CFAP221: variants seen among roughly 807,000 people sequenced by gnomAD.
CFAP221 encodes cilia- and flagella-associated protein 221.
A neutral mutation model predicts 113.1 loss-of-function variants in CFAP221; 97 were observed. The ratio of observed to expected loss-of-function variants is 0.86; its 90% CI spans 0.73 to 1.02. CFAP221 has a LOEUF of 1.02. CFAP221 is among the 50% of genes least tolerant of loss of function. The pLI, the probability that CFAP221 is intolerant of heterozygous loss-of-function variation, is 0.00. For missense variants in CFAP221, 1,025 were observed against 1,013.4 expected (o/e 1.01, Z -0.16); for synonymous variants, 331 against 354.4 (o/e 0.93, Z 0.74).
At chr2:119,614,707 A>C (rs113080895) in intron 13 of CFAP221, among the ~76,000 whole-genome samples, 30 of 152,350 alleles carry the variant, frequency 2.0e-4, no homozygotes, top group African/African-American at 7.2e-4. Flanking sequence ...CTACAATTCA[A>C]GATGAGATTT....
intron 7 of CFAP221, among the ~76,000 whole-genome samples, chr2:119,591,443 G>T (rs1396596598): frequency 2.6e-5 from 4 of 152,178 alleles, no homozygotes; most frequent in African/African-American, 9.7e-5. Context: ...TTGATGGGTG[G>T]CAGTGGTTGC....
At chr2:119,658,415 C>T (rs1018493519), downstream of CFAP221, among the ~76,000 whole-genome samples, 8 of 152,152 alleles carry the variant, frequency 5.3e-5, no homozygotes, top group African/African-American at 1.7e-4. Flanking sequence ...ATATTCCAGA[C>T]TCATCTGTAT....
At chr2:119,615,492 G>A in intron 13 of CFAP221, 119 bp from the exon 14 acceptor site, 1 of 738,598 alleles carries the variant, frequency 1.4e-6, no homozygotes, top group Non-Finnish European at 2.2e-6. Context: ...TGCTCACTAA[G>A]CAATACAACA....
intron 7 of CFAP221, among the ~76,000 whole-genome samples, chr2:119,587,715 A>T (rs1440304056): frequency 6.6e-6 from 1 of 152,146 alleles, no homozygotes; most frequent in African/African-American, 2.4e-5. Flanking sequence ...GTCTCTTGAT[A>T]TTTAGGTTTG....
intron 15 of CFAP221, among the ~76,000 whole-genome samples, chr2:119,626,859 G>A (rs530154811): frequency 4.6e-5 from 7 of 151,778 alleles, no homozygotes; most frequent in African/African-American, 1.4e-4. Flanking sequence ...AAGCCCAGGA[G>A]TTCAAGGTTG....
chr2:119,571,122 A>G (rs927632338), intron 6 of CFAP221, among the ~76,000 whole-genome samples: 9 of 148,950 alleles, frequency 6.0e-5, no homozygotes, highest in Admixed American at 6.0e-4. Flanking sequence ...TTAAATTAGT[A>G]TAACAACCCC....
At chr2:119,653,384 AAAAT>A (rs1226258870) in intron 23 of CFAP221, among the ~76,000 whole-genome samples, 1 of 152,206 alleles carries the variant, frequency 6.6e-6, no homozygotes. Context: ...CCATCTCAAA[AAAAT>A]AAATAAATAA....
chr2:119,607,827 CAT>C (rs746381676), intron 11 of CFAP221, among the ~76,000 whole-genome samples: 9 of 152,344 alleles, frequency 5.9e-5, no homozygotes, highest in East Asian at 1.9e-4. Flanking sequence ...CACATCATAA[CAT>C]GTGTTAGTAC....
intron 6 of CFAP221, among the ~76,000 whole-genome samples, chr2:119,564,825 T>C (rs916435881): frequency 3.9e-5 from 6 of 152,202 alleles, no homozygotes; most frequent in Non-Finnish European, 2.9e-5. Context: ...TTGTTTTTGC[T>C]ATGCTGAACA....
chr2:119,634,412 A>G (rs1686985961), intron 19 of CFAP221, among the ~76,000 whole-genome samples: 1 of 152,198 alleles, frequency 6.6e-6, no homozygotes, highest in Non-Finnish European at 1.5e-5. Flanking sequence ...GGTTGCAGTG[A>G]GCCATGATGG....
intron 19 of CFAP221, among the ~76,000 whole-genome samples, chr2:119,631,743 A>G (rs1159384837): frequency 6.6e-6 from 1 of 152,178 alleles, no homozygotes; most frequent in Admixed American, 6.5e-5. Context: ...TGAGAAGATC[A>G]ATAAAATGAA....
chr2:119,546,787 C>T (rs542779998), intron 2 of CFAP221, among the ~76,000 whole-genome samples: 5 of 152,356 alleles, frequency 3.3e-5, no homozygotes, highest in East Asian at 1.9e-4. Context: ...TCCTGTCCTT[C>T]GGACCACAGG....
At chr2:119,573,638 G>T (rs1682225667) in intron 6 of CFAP221, among the ~76,000 whole-genome samples, 1 of 152,216 alleles carries the variant, frequency 6.6e-6, no homozygotes, top group Non-Finnish European at 1.5e-5. Context: ...CGAGGATGTA[G>T]TGAGCTCTGA....
intron 16 of CFAP221, among the ~76,000 whole-genome samples, chr2:119,628,294 G>GTGTGTGTGTGT (rs371675389): frequency 0.079 from 10,876 of 137,462 alleles, 716 homozygotes; most frequent in East Asian, 0.13. Flanking sequence ...CTCTCTGGGG[G>GTGTGTGTGTGT]GTGTGTGTGT....
chr2:119,557,763 G>A (rs983925500), intron 3 of CFAP221, among the ~76,000 whole-genome samples: 1 of 152,260 alleles, frequency 6.6e-6, no homozygotes, highest in African/African-American at 2.4e-5. Context: ...CACTTTGGGA[G>A]TCCGAGGTGG....
Position 119,560,045 on chromosome 2 carries a change from CTTTTTTT to C in CFAP221, c.426+33_426+39del, listed in dbSNP as rs35631078. The C allele has an allele frequency of 1.0e-4, 91 of 875,816 alleles. No individual in the cohort carries two copies. Among genetic ancestry groups the C allele is most frequent in the South Asian group, 2.0e-4 (11 of 53,878 alleles). The allele number at this position is 875,816 out of a possible 1,614,324, so 54.3% of individuals were successfully genotyped here. A position where few individuals can be genotyped will look rare whatever the true frequency, so the allele number is the denominator to read the frequency against. ...CTGTAAGGTAGGTCTCTTAAAATTG[CTTTTTTT>C]TTTTTTTTTTTTTGATGGTGGGTTA... On this transcript the variant is annotated intron_variant, in intron 5 of 23. Coordinates refer to ENST00000413369, the MANE Select transcript of CFAP221 (RefSeq NM_001271049.2).
At chr2:119,639,526 G>A (rs1205228561) in intron 20 of CFAP221, among the ~76,000 whole-genome samples, 2 of 152,210 alleles carry the variant, frequency 1.3e-5, no homozygotes, top group African/African-American at 2.4e-5. Context: ...TCCATCCCGA[G>A]GACATGTTGC....
chr2:119,553,670 T>A (rs1336236885), intron 3 of CFAP221, among the ~76,000 whole-genome samples: 7 of 152,200 alleles, frequency 4.6e-5, no homozygotes, highest in Admixed American at 4.6e-4. Context: ...AGAATCAGTT[T>A]TCACTTCCTT....
chr2:119,556,556 CTT>C (rs1199595376), intron 3 of CFAP221, among the ~76,000 whole-genome samples: 13 of 138,436 alleles, frequency 9.4e-5, no homozygotes, highest in Non-Finnish European at 7.9e-5. Flanking sequence ...AATTTTTTTT[CTT>C]TTTTTTTTTT....
Sources: gnomAD v4.1 joint callset for allele counts (sites outside exome capture counted in the v4.1 genomes callset) on GRCh38, gnomAD v4.1.1 for gene constraint, MANE v1.5 for transcripts, NCBI Gene and HGNC (gene_info 2026-07-23, HGNC 2026-07-21) for gene names.